Variants in DOK6 observed in about 807,000 individuals in gnomAD.
DOK6 encodes the protein docking protein 6.
A neutral mutation model predicts 44.0 loss-of-function variants in DOK6; 22 were observed. The ratio of observed to expected loss-of-function variants is 0.50; its 90% CI spans 0.36 to 0.71. The LOEUF (loss-of-function observed/expected upper bound fraction) is 0.71. Ranked by LOEUF, DOK6 falls within the 30% of genes least tolerant of loss-of-function variation. The pLI is 0.00. For synonymous variants in DOK6, 166 were observed against 145.5 expected, an observed-to-expected ratio of 1.14 and a Z score of -1.01; for missense variants, 340 against 416.4, an observed-to-expected ratio of 0.82 and a Z score of 1.60.
At chr18:69,640,620 TGAGAA>T (rs1024674566) in intron 3 of DOK6, among the ~76,000 whole-genome samples, 1 of 152,180 alleles carries the variant, frequency 6.6e-6, no homozygotes, top group African/African-American at 2.4e-5. Flanking sequence ...AGACAGGGAC[TGAGAA>T]GAGTAAGGGA....
intron 4 of DOK6, among the ~76,000 whole-genome samples, chr18:69,695,228 T>C (rs981364145): frequency 6.6e-6 from 1 of 152,142 alleles, no homozygotes; most frequent in African/African-American, 2.4e-5. Flanking sequence ...AAACAGAAAA[T>C]GTAAATTATC....
At chr18:69,521,566 A>G (rs1033055311) in intron 1 of DOK6, among the ~76,000 whole-genome samples, 9 of 151,934 alleles carry the variant, frequency 5.9e-5, no homozygotes, top group African/African-American at 2.2e-4. Context: ...ATGAGTAAAA[A>G]CACCAATGTT....
intron 5 of DOK6, among the ~76,000 whole-genome samples, chr18:69,711,110 T>C (rs935493691): frequency 1.3e-5 from 2 of 152,208 alleles, no homozygotes; most frequent in African/African-American, 4.8e-5. Context: ...GTTTTCCATA[T>C]ATGGCACCTG....
intron 5 of DOK6, chr18:69,725,105 T>C (rs1432417146): frequency 6.6e-6 from 1 of 152,230 alleles, no homozygotes; most frequent in Non-Finnish European, 1.5e-5. Flanking sequence ...ACTGAAACTA[T>C]TTTTGGAAAT....
chr18:69,418,821 A>G (rs1772942798), intron 1 of DOK6, among the ~76,000 whole-genome samples: 1 of 152,150 alleles, frequency 6.6e-6, no homozygotes, highest in African/African-American at 2.4e-5. Context: ...ATGCCAGTCA[A>G]GAAATGGCTG....
At chr18:69,578,691 T>A (rs950725294) in intron 2 of DOK6, among the ~76,000 whole-genome samples, 1 of 152,214 alleles carries the variant, frequency 6.6e-6, no homozygotes, top group Admixed American at 6.5e-5. Context: ...CCTAATTGCA[T>A]AATATATGAC....
chr18:69,847,124 C>A lies in DOK6; in HGVS notation c.*5741C>A, dbSNP rs1313835808. ...TATTCCCTCTAACAATTCTGTTTAA[C>A]TAGTAAGTTTTTTTTAAGTTATCTT... On this transcript the variant is annotated 3_prime_UTR_variant, in exon 8 of 8. Transcript: ENST00000382713. 1.3e-5 allele frequency: 2 copies of A among 152,002 alleles called. No homozygotes were observed. The highest frequency in any genetic ancestry group is 2.9e-5 in the Non-Finnish European group (2 of 67,988). The allele number at this position is 152,002 out of a possible 1,614,324, so 9.4% of individuals were successfully genotyped here.
At chr18:69,796,219 G>A (rs1218069238) in intron 7 of DOK6, among the ~76,000 whole-genome samples, 1 of 152,100 alleles carries the variant, frequency 6.6e-6, no homozygotes, top group Non-Finnish European at 1.5e-5. Context: ...ACTCACAAAC[G>A]AGGCTGACTT....
chr18:69,730,206 T>C (rs77633709), intron 5 of DOK6, among the ~76,000 whole-genome samples: 1 of 152,234 alleles, frequency 6.6e-6, no homozygotes, highest in East Asian at 1.9e-4. Flanking sequence ...CCACCCTGTC[T>C]CAAACACCAA....
chr18:69,494,244 G>A (rs545174857), intron 1 of DOK6, among the ~76,000 whole-genome samples: 44 of 152,324 alleles, frequency 2.9e-4, no homozygotes, highest in African/African-American at 1.1e-3. Context: ...GGGAGGCCAA[G>A]GTGAGCAGAT....
chr18:69,819,630 C>A (rs545397672), intron 7 of DOK6, among the ~76,000 whole-genome samples: 1 of 152,306 alleles, frequency 6.6e-6, no homozygotes, highest in South Asian at 2.1e-4. Context: ...ATTCATCTTG[C>A]ATAACTGAAA....
intron 1 of DOK6, among the ~76,000 whole-genome samples, chr18:69,557,920 G>A (rs543092727): frequency 5.7e-4 from 86 of 152,144 alleles, no homozygotes; most frequent in South Asian, 2.5e-3. Context: ...AGTAGTACCC[G>A]AAGAGACTGC....
chr18:69,706,734 C>A (rs1420106368), intron 5 of DOK6, among the ~76,000 whole-genome samples: 4 of 134,198 alleles, frequency 3.0e-5, no homozygotes, highest in Non-Finnish European at 6.2e-5. Flanking sequence ...CTTCCTGTGT[C>A]CATGTGTTCT....
intron 3 of DOK6, among the ~76,000 whole-genome samples, chr18:69,631,126 C>T (rs1348424713): frequency 6.6e-6 from 1 of 151,834 alleles, no homozygotes; most frequent in Non-Finnish European, 1.5e-5. Context: ...AAAAGCGGTT[C>T]TCATTTTTGC....
At chr18:69,790,132 C>T (rs1399038452) in intron 7 of DOK6, among the ~76,000 whole-genome samples, 2 of 152,038 alleles carry the variant, frequency 1.3e-5, no homozygotes, top group Admixed American at 1.3e-4. Flanking sequence ...TCTCTTAATC[C>T]ATCAGGAGAA....
At chr18:69,709,276 A>G (rs890130001) in intron 5 of DOK6, among the ~76,000 whole-genome samples, 1 of 152,170 alleles carries the variant, frequency 6.6e-6, no homozygotes, top group Non-Finnish European at 1.5e-5. Context: ...GAGTCCTGAA[A>G]CTATTATTTT....
At chr18:69,762,855 A>C (rs1004320496) in intron 7 of DOK6, among the ~76,000 whole-genome samples, 4 of 152,256 alleles carry the variant, frequency 2.6e-5, no homozygotes, top group African/African-American at 9.6e-5. Context: ...TTGACATAGC[A>C]GGACAGAGAT....
intron 7 of DOK6, among the ~76,000 whole-genome samples, chr18:69,765,206 G>T (rs774852148): frequency 3.7e-4 from 57 of 152,068 alleles, no homozygotes; most frequent in Non-Finnish European, 6.8e-4. Context: ...TGTTTTTCAA[G>T]TTCAAAGCTA....
chr18:69,834,720 G>A (rs979918384), intron 7 of DOK6, among the ~76,000 whole-genome samples: 1 of 152,164 alleles, frequency 6.6e-6, no homozygotes. Context: ...ATTACAAGAT[G>A]TCGTAGAGAG....
Sources: gnomAD v4.1 joint callset for allele counts (sites outside exome capture counted in the v4.1 genomes callset) on GRCh38, gnomAD v4.1.1 for gene constraint, MANE v1.5 for transcripts, NCBI Gene and HGNC (gene_info 2026-07-23, HGNC 2026-07-21) for gene names.